Variants in ATXN2 observed in about 807,000 individuals in gnomAD.
ATXN2 encodes ataxin 2, also known as ataxin-2.
ATXN2 carries 37 observed loss-of-function variants against 138.6 expected under a neutral mutation model. That is an observed-to-expected ratio of 0.27 (90% CI 0.21 to 0.35). The LOEUF (loss-of-function observed/expected upper bound fraction) is 0.35, where lower values mean the gene tolerates loss of function less well. Among genes scored for constraint, ATXN2 ranks in the 10% least tolerant of loss-of-function variants. The probability of loss-of-function intolerance (pLI) is 1.00; values close to 1 mark genes in which losing one functional copy is unlikely to be tolerated. For missense variants in ATXN2, 1,216 were observed against 1,480.3 expected, an observed-to-expected ratio of 0.82 and a Z score of 2.93; for synonymous variants, 549 against 543.7, an observed-to-expected ratio of 1.01 and a Z score of -0.13.
At chr12:111,455,021 C>A (rs1362640569) in intron 23 of ATXN2, 2 of 702,784 alleles carry the variant, frequency 2.8e-6, no homozygotes, top group African/African-American at 3.5e-5. Context: ...CCCAAACTTC[C>A]CAGAGCTGTG....
chr12:111,473,074 A>T (rs1162213280), intron 18 of ATXN2, among the ~76,000 whole-genome samples: 1 of 151,282 alleles, frequency 6.6e-6, no homozygotes, highest in Non-Finnish European at 1.5e-5. Flanking sequence ...GGAGTTCGAC[A>T]CCAGCCTGGG....
At chr12:111,577,816 G>A (rs1047626774) in intron 1 of ATXN2, among the ~76,000 whole-genome samples, 13 of 152,162 alleles carry the variant, frequency 8.5e-5, no homozygotes, top group Non-Finnish European at 1.6e-4. Context: ...GCATGATGGC[G>A]TGCACCCACA....
At position 111,513,303 on chromosome 12, in the gene ATXN2, A is replaced by G. The variant is rs137880699; in HGVS notation, c.1558+54T>C. 5 of 1,574,042 alleles carry G rather than the reference A, an allele frequency of 3.2e-6. No individual in the cohort carries two copies. In the East Asian group the frequency reaches 6.9e-5, roughly 22 times the overall value. On this transcript the variant is annotated intron_variant, in intron 11 of 24. Coordinates refer to ENST00000673436, the MANE Select transcript of ATXN2 (RefSeq NM_001372574.1). ...ACAGAGTTGTAGCTCAGCCCTCTTT[A>G]TATCTAGTGTAATGACAAAATGAGT...
intron 23 of ATXN2, 68 bp downstream of exon 23, chr12:111,455,961 T>TA (rs1051540568): frequency 6.8e-7 from 1 of 1,461,446 alleles, no homozygotes; most frequent in African/African-American, 1.4e-5. Context: ...GGAGAGCCTC[T>TA]AGCTGCTTAC....
chr12:111,531,418 G>A (rs1009970321), intron 5 of ATXN2, among the ~76,000 whole-genome samples: 3 of 152,146 alleles, frequency 2.0e-5, no homozygotes, highest in African/African-American at 7.2e-5. Context: ...GCGAGAGCGA[G>A]ACTCCGTCTC....
At chr12:111,530,992 C>A (rs185172273) in intron 5 of ATXN2, among the ~76,000 whole-genome samples, 40 of 151,932 alleles carry the variant, frequency 2.6e-4, no homozygotes. Flanking sequence ...GTGGTGCATG[C>A]CTGTAATCCC....
intron 1 of ATXN2, among the ~76,000 whole-genome samples, chr12:111,562,791 CCAT>C (rs1882776034): frequency 6.6e-6 from 1 of 150,484 alleles, no homozygotes; most frequent in Non-Finnish European, 1.5e-5. Flanking sequence ...CTTGGTAACA[CCAT>C]AGTAAATAAC....
At chr12:111,576,140 C>CACCAAACCAA (rs139216981) in intron 1 of ATXN2, among the ~76,000 whole-genome samples, 26 of 102,242 alleles carry the variant, frequency 2.5e-4, no homozygotes, top group Admixed American at 5.0e-4. Flanking sequence ...CATAACATCA[C>CACCAAACCAA]ACCAAACCAA....
chr12:111,466,996 G>T (rs1252235956), intron 20 of ATXN2, among the ~76,000 whole-genome samples: 1 of 151,990 alleles, frequency 6.6e-6, no homozygotes, highest in Admixed American at 6.5e-5. Flanking sequence ...TTATAAGAAT[G>T]TACTTCAAAT....
At chr12:111,476,052 A>C (rs964956635) in intron 18 of ATXN2, among the ~76,000 whole-genome samples, 4 of 152,340 alleles carry the variant, frequency 2.6e-5, no homozygotes, top group African/African-American at 9.6e-5. Context: ...ACTGGGCTCA[A>C]GCAATTCTCC....
rs71083183 is a variant in ATXN2 at position 111,592,782 on chromosome 12, C to CAA, written c.251+6000_251+6001dup. ...TGGGCGACAGAGCAAGACTCCGTCT[C>CAA]AAAAAAAAAAAAAAAAAAAAAAGAT... is the stretch of plus-strand genomic sequence containing the variant. On this transcript the variant is annotated intron_variant, in intron 1 of 24. Transcript: ENST00000673436. Among the ~76,000 whole-genome samples, 207 of 25,952 alleles carry CAA rather than the reference C, an allele frequency of 8.0e-3. 17 individuals are homozygous for CAA. The highest frequency in any genetic ancestry group is 0.016 in the African/African-American group (149 of 9,346). The allele number at this position is 25,952 out of a possible 152,430, so 17.0% of individuals were successfully genotyped here.
At chr12:111,492,619 T>G (rs1592828085) in intron 14 of ATXN2, among the ~76,000 whole-genome samples, 1 of 151,322 alleles carries the variant, frequency 6.6e-6, no homozygotes, top group African/African-American at 2.4e-5. Flanking sequence ...GAGACGGAGG[T>G]TGCGGTGAGC....
chr12:111,581,452 G>C, intron 1 of ATXN2: 2 of 844,622 alleles, frequency 2.4e-6, no homozygotes, highest in Admixed American at 1.7e-5. Context: ...TGCTCAAGGA[G>C]GAGCAAGAGG....
At chr12:111,457,540 C>T in intron 21 of ATXN2, 181 bp from the exon 22 acceptor site, 1 of 608,350 alleles carries the variant, frequency 1.6e-6, no homozygotes, top group Non-Finnish European at 2.7e-6. Flanking sequence ...GTAGCTATTG[C>T]TTAACAGACT....
In ATXN2 at chr12:111,453,187, G is replaced by A; in HGVS notation, c.3440-347C>T. The A allele has an allele frequency of 3.6e-6, 4 of 1,123,574 alleles. No individual in the cohort carries two copies. The highest frequency in any genetic ancestry group is 4.4e-6 in the Non-Finnish European group (4 of 917,672). 69.6% of individuals were successfully genotyped at this position (1,123,574 alleles called of 1,614,324 possible). ...GAAGTATCGCCATGGCAGCCATCAA[G>A]TAGTAGAGCACAATCACAGGGCGCT... On this transcript the variant is annotated intron_variant, in intron 24 of 24. Coordinates refer to ENST00000673436, the MANE Select transcript of ATXN2 (RefSeq NM_001372574.1). This position sits in a 1 kb window ranked among gnomAD's most constrained non-coding sequence, Gnocchi z 5.4.
intron 20 of ATXN2, among the ~76,000 whole-genome samples, chr12:111,467,358 T>C (rs1876102951): frequency 7.7e-6 from 1 of 129,600 alleles, no homozygotes; most frequent in African/African-American, 3.0e-5. Flanking sequence ...GATCTCGCCA[T>C]CTTGCCTAGA....
At chr12:111,454,641 GC>G (rs1339597045) in intron 23 of ATXN2, 3 of 163,850 alleles carry the variant, frequency 1.8e-5, no homozygotes, top group Non-Finnish European at 4.0e-5. Context: ...GCCAGGAAGA[GC>G]CCTTGTTTCC....
Position 111,453,478 on chromosome 12 carries a change from AACAC to A in ATXN2, c.3439+195_3439+198del, listed in dbSNP as rs1372061067. 1.1e-5 allele frequency: 14 copies of A among 1,329,270 alleles called. No homozygotes were observed. The African/African-American group carries it at 2.1e-4, about 20-fold the overall frequency. The allele number at this position is 1,329,270 out of a possible 1,614,324, so 82.3% of individuals were successfully genotyped here. ...CAAGCCAAATCCTGTATACCATCAGAACACACACAGACTCGGCTCCCGGAAGCCT... is the reference window on the plus strand; with the variant it reads ...CAAGCCAAATCCTGTATACCATCAGAACACAGACTCGGCTCCCGGAAGCCT... On this transcript the variant is annotated intron_variant, in intron 24 of 24. Coordinates refer to ENST00000673436, the MANE Select transcript of ATXN2 (RefSeq NM_001372574.1). The surrounding 1 kb of genome is among the most constrained non-coding windows in gnomAD (Gnocchi z 5.4).
intron 5 of ATXN2, among the ~76,000 whole-genome samples, chr12:111,538,584 C>T (rs146350923): frequency 7.2e-6 from 1 of 138,126 alleles, no homozygotes; most frequent in East Asian, 1.9e-4. Flanking sequence ...AACTACTGGG[C>T]TCAAGCAATT....
Sources: allele counts gnomAD v4.1 joint callset (sites outside exome capture counted in the v4.1 genomes callset), GRCh38; gene constraint gnomAD v4.1.1; non-coding constraint Gnocchi (gnomAD v3.1); transcripts MANE v1.5; gene names NCBI Gene and HGNC (gene_info 2026-07-23, HGNC 2026-07-21).